FER: variants seen among roughly 807,000 people sequenced by gnomAD.
FER encodes the protein tyrosine-protein kinase Fer.
A neutral mutation model predicts 111.0 loss-of-function variants in FER; 63 were observed. The observed-to-expected ratio is 0.57, with a 90% CI of 0.46 to 0.70. The LOEUF is 0.70. Ranked by LOEUF, FER falls within the 30% of genes least tolerant of loss-of-function variation. FER has a pLI of 0.00. For synonymous variants in FER, 327 were observed against 313.9 expected, an observed-to-expected ratio of 1.04 and a Z score of -0.44; for missense variants, 914 against 954.0, an observed-to-expected ratio of 0.96 and a Z score of 0.55.
At chr5:108,861,374 G>A (rs1279163242) in intron 5 of FER, among the ~76,000 whole-genome samples, 2 of 152,058 alleles carry the variant, frequency 1.3e-5, no homozygotes, top group Non-Finnish European at 2.9e-5. Context: ...TAATATTGTT[G>A]ATGGCATGAT....
chr5:108,876,188 G>T (rs1765073996), intron 8 of FER, among the ~76,000 whole-genome samples: 1 of 152,148 alleles, frequency 6.6e-6, no homozygotes, highest in African/African-American at 2.4e-5. Context: ...GGCTAAGAAT[G>T]CTGTTTGCAT....
chr5:108,830,208 C>A (rs1440913137), intron 3 of FER, among the ~76,000 whole-genome samples: 1 of 152,130 alleles, frequency 6.6e-6, no homozygotes, highest in East Asian at 1.9e-4. Flanking sequence ...AATCCCAGAA[C>A]TTTGGGAGGC....
At chr5:109,021,358 G>T (rs1767901329) in intron 13 of FER, among the ~76,000 whole-genome samples, 1 of 151,836 alleles carries the variant, frequency 6.6e-6, no homozygotes, top group South Asian at 2.1e-4. Flanking sequence ...AAACTTCTAT[G>T]TACATTATTT....
At chr5:108,906,375 T>C (rs1226693458) in intron 10 of FER, among the ~76,000 whole-genome samples, 1 of 152,204 alleles carries the variant, frequency 6.6e-6, no homozygotes, top group African/African-American at 2.4e-5. Flanking sequence ...TTTTAGATGA[T>C]AGGTAAGCAT....
At chr5:108,988,503 T>C (rs184069874) in intron 13 of FER, among the ~76,000 whole-genome samples, 175 of 152,302 alleles carry the variant, frequency 1.1e-3, no homozygotes, top group Admixed American at 3.1e-3. Context: ...TCTTCTTGGT[T>C]TAATCTAGGA....
chr5:109,015,155 G>T lies in FER; in HGVS notation c.1657-22267G>T, dbSNP rs1766898199. 2.0e-5 allele frequency among the ~76,000 whole-genome samples: 3 copies of T among 151,980 alleles called. No individual in the cohort carries two copies. In the South Asian group the frequency reaches 6.2e-4, roughly 31 times the overall value. ...ATATGTATGATTTGATAAGCCCCTT[G>T]TTTCTAGCACATAGTAATATGGCTT... On this transcript the variant is annotated intron_variant, in intron 13 of 19. Transcript: ENST00000281092.
rs749300973 is a variant in FER, at chr5:108,946,191, G to T, written c.1298G>T (p.Arg433Met). The change falls in exon 11 of 20, where the codon AGG becomes ATG. Residue 433 changes from arginine to methionine, a missense_variant. By Grantham distance (91) the Arg-to-Met change is moderately conservative. Around this residue, in one of 3 missense-constraint regions of FER, gnomAD observed 774 missense variants for 782.6 expected, o/e 0.99. Transcript: ENST00000281092. ...SIRHSIAGII[R>M]SPKSALGSSA... ...CGTCATTCAATTGCTGGAATAATTA[G>T]GTCTCCAAAATCTGCACTGGGCTCT... The T allele has an allele frequency of 6.2e-7, 1 of 1,612,128 alleles. No individual in the cohort carries two copies. The highest frequency in any genetic ancestry group is 8.5e-7 in the Non-Finnish European group (1 of 1,178,848).
intron 2 of FER, among the ~76,000 whole-genome samples, chr5:108,774,003 A>C (rs746679257): frequency 2.6e-5 from 4 of 152,086 alleles, no homozygotes; most frequent in Non-Finnish European, 4.4e-5. Flanking sequence ...TATGTGTGCC[A>C]TGGTGGTTTG....
At chr5:108,871,758 T>G (rs1465314945) in intron 7 of FER, among the ~76,000 whole-genome samples, 1 of 150,748 alleles carries the variant, frequency 6.6e-6, no homozygotes, top group Non-Finnish European at 1.5e-5. Flanking sequence ...ATTTAATCCA[T>G]GAAATTTTTT....
chr5:108,902,712 T>C (rs1166323443), intron 10 of FER, among the ~76,000 whole-genome samples: 1 of 152,150 alleles, frequency 6.6e-6, no homozygotes, highest in African/African-American at 2.4e-5. Flanking sequence ...CTAATAATTC[T>C]GAAGAATTTT....
chr5:108,869,300 T>A (rs976364422), intron 6 of FER, among the ~76,000 whole-genome samples: 2 of 152,110 alleles, frequency 1.3e-5, no homozygotes, highest in African/African-American at 4.8e-5. Context: ...GGACCCAGAT[T>A]CACAAAGCTA....
intron 1 of FER, chr5:108,748,551 C>T (rs1750038230): frequency 6.6e-6 from 1 of 152,474 alleles, no homozygotes. Flanking sequence ...CACGGCAGCC[C>T]AGGACACCCG....
At chr5:108,834,326 A>AT (rs1760373449) in intron 4 of FER, among the ~76,000 whole-genome samples, 1 of 152,304 alleles carries the variant, frequency 6.6e-6, no homozygotes, top group African/African-American at 2.4e-5. Context: ...ATCAGGAGGT[A>AT]TATAATGTTG....
chr5:109,079,197 C>T (rs1776709109), intron 16 of FER, among the ~76,000 whole-genome samples: 1 of 151,956 alleles, frequency 6.6e-6, no homozygotes, highest in Non-Finnish European at 1.5e-5. Flanking sequence ...AAAGAAAAAC[C>T]CTGTTAAAAT....
chr5:109,097,239 C>T (rs1336033959), intron 16 of FER, among the ~76,000 whole-genome samples: 1 of 151,876 alleles, frequency 6.6e-6, no homozygotes, highest in East Asian at 1.9e-4. Context: ...GTCATGCTAT[C>T]TCCCTAGTAA....
At chr5:108,873,200 A>G (rs1004629592) in intron 8 of FER, among the ~76,000 whole-genome samples, 9 of 152,040 alleles carry the variant, frequency 5.9e-5, no homozygotes, top group Admixed American at 2.6e-4. Flanking sequence ...GCTGGAGTGC[A>G]GTGGTGCGAT....
intron 16 of FER, among the ~76,000 whole-genome samples, chr5:109,086,270 G>A (rs552100354): frequency 5.5e-5 from 7 of 126,186 alleles, no homozygotes; most frequent in Admixed American, 2.2e-4. Context: ...TGTCTTTCAA[G>A]GTATCGGTCC....
Position 108,850,794 on chromosome 5 carries a change from A to T in FER, c.481+14987A>T, listed in dbSNP as rs115297155. On this transcript the variant is annotated intron_variant, in intron 5 of 19. Coordinates refer to ENST00000281092, the MANE Select transcript of FER (RefSeq NM_005246.4). The stretch of plus-strand genomic sequence containing the variant: ...GTATTCACAAAAATTAATAATGGTC[A>T]CTTACAATGTTAGATAGTTTCTCTG... Among the ~76,000 whole-genome samples, 933 of 152,286 alleles carry T rather than the reference A, an allele frequency of 6.1e-3. 15 individuals are homozygous for T. Among genetic ancestry groups the T allele is most frequent in the African/African-American group, 0.022 (899 of 41,572 alleles).
At chr5:109,136,117 G>A (rs535453028) in intron 17 of FER, among the ~76,000 whole-genome samples, 17 of 151,846 alleles carry the variant, frequency 1.1e-4, no homozygotes, top group South Asian at 4.2e-4. Flanking sequence ...GTAGTCGAGC[G>A]TAGTGGCACT....
Sources: gnomAD v4.1 joint callset for allele counts (sites outside exome capture counted in the v4.1 genomes callset) on GRCh38, gnomAD v4.1.1 for gene constraint, gnomAD v4.1.1 regional missense constraint, MANE v1.5 for transcripts, NCBI Gene and HGNC (gene_info 2026-07-23, HGNC 2026-07-21) for gene names.